ADAMTSL1: variants seen among roughly 807,000 people sequenced by gnomAD.
ADAMTSL1 encodes the protein ADAMTS-like protein 1.
A neutral mutation model predicts 201.8 loss-of-function variants in ADAMTSL1; 126 were observed. The observed-to-expected ratio is 0.62, with a 90% CI of 0.54 to 0.72. The LOEUF (loss-of-function observed/expected upper bound fraction) is 0.72, where lower values mean the gene tolerates loss of function less well. ADAMTSL1 is among the 30% of genes least tolerant of loss of function. ADAMTSL1 has a pLI of 0.00. For missense variants in ADAMTSL1, 2,679 were observed against 2,277.8 expected, an observed-to-expected ratio of 1.18 and a Z score of -3.59; for synonymous variants, 1,121 against 903.4, an observed-to-expected ratio of 1.24 and a Z score of -4.32.
At chr9:18,800,687 C>G (rs1023234925) in intron 20 of ADAMTSL1, among the ~76,000 whole-genome samples, 3 of 152,132 alleles carry the variant, frequency 2.0e-5, no homozygotes, top group African/African-American at 7.2e-5. Flanking sequence ...GTTGGCACAT[C>G]TCAGTCTCAA....
intron 2 of ADAMTSL1, among the ~76,000 whole-genome samples, chr9:18,277,131 T>G (rs1832616426): frequency 6.6e-6 from 1 of 152,234 alleles, no homozygotes; most frequent in Non-Finnish European, 1.5e-5. Flanking sequence ...TTTCATCTTC[T>G]TACATTTGAG....
chr9:18,307,845 C>G (rs567914481), intron 2 of ADAMTSL1, among the ~76,000 whole-genome samples: 1 of 152,260 alleles, frequency 6.6e-6, no homozygotes, highest in East Asian at 1.9e-4. Flanking sequence ...CCAAGTGGAC[C>G]TAATAGACAT....
At chr9:18,409,201 T>C (rs1411938584) in intron 2 of ADAMTSL1, among the ~76,000 whole-genome samples, 1 of 151,506 alleles carries the variant, frequency 6.6e-6, no homozygotes, top group African/African-American at 2.4e-5. Context: ...CTGACCAACA[T>C]GGTGAAAACT....
chr9:18,562,051 T>G (rs945581720), intron 3 of ADAMTSL1, among the ~76,000 whole-genome samples: 1 of 152,238 alleles, frequency 6.6e-6, no homozygotes, highest in African/African-American at 2.4e-5. Context: ...TGTGTGAATC[T>G]GATCCTGTCA....
At chr9:18,344,810 A>G (rs929223261) in intron 2 of ADAMTSL1, among the ~76,000 whole-genome samples, 11 of 152,156 alleles carry the variant, frequency 7.2e-5, no homozygotes, top group African/African-American at 2.7e-4. Flanking sequence ...AACACACCAC[A>G]TGCTTGAAAA....
chr9:18,584,124 G>T (rs1010175222), intron 4 of ADAMTSL1, among the ~76,000 whole-genome samples: 3 of 152,102 alleles, frequency 2.0e-5, no homozygotes, highest in Non-Finnish European at 2.9e-5. Context: ...GATGTGTTTT[G>T]GCTGTGTCCC....
intron 2 of ADAMTSL1, among the ~76,000 whole-genome samples, chr9:18,204,852 G>C (rs1829588044): frequency 6.6e-6 from 1 of 152,090 alleles, no homozygotes; most frequent in Admixed American, 6.6e-5. Flanking sequence ...AGACCTGTTT[G>C]TTTGTTCTAG....
At chr9:18,038,521 C>T (rs982741438) in intron 1 of ADAMTSL1, among the ~76,000 whole-genome samples, 14 of 152,124 alleles carry the variant, frequency 9.2e-5, no homozygotes, top group African/African-American at 7.2e-5. Flanking sequence ...AAGCTGATGG[C>T]AATTCGATAT....
chr9:18,541,118 G>C (rs1320595165), intron 3 of ADAMTSL1, among the ~76,000 whole-genome samples: 1 of 152,136 alleles, frequency 6.6e-6, no homozygotes, highest in Non-Finnish European at 1.5e-5. Flanking sequence ...CTTGATGAAG[G>C]CTTGATTTGT....
chr9:17,966,573 A>G (rs916639082), intron 1 of ADAMTSL1, among the ~76,000 whole-genome samples: 12 of 152,158 alleles, frequency 7.9e-5, no homozygotes, highest in Admixed American at 3.9e-4. Flanking sequence ...CAGAATGTGC[A>G]TCCAGTGATA....
rs192624901 is a variant in ADAMTSL1 at position 18,274,294 on chromosome 9, G to T, written c.207+110313G>T. On this transcript the variant is annotated intron_variant, in intron 2 of 29. Coordinates refer to the ADAMTSL1 transcript ENST00000680146. ...TCTTTCTTCTTGCATATTAAGCTTT[G>T]ATTAACATATGGTAATAATGTAGCG... Among the ~76,000 whole-genome samples, 42 of 152,234 alleles carry T rather than the reference G, an allele frequency of 2.8e-4. 1 individual carries two copies. The highest frequency in any genetic ancestry group is 3.4e-3 in the Middle Eastern group (1 of 294).
At chr9:18,818,517 C>T (rs1563827515) in intron 21 of ADAMTSL1, among the ~76,000 whole-genome samples, 1 of 152,300 alleles carries the variant, frequency 6.6e-6, no homozygotes, top group Non-Finnish European at 1.5e-5. Flanking sequence ...TATGGCCAGA[C>T]CTGGTGGCTC....
At chr9:18,104,803 C>G (rs1337653273) in intron 1 of ADAMTSL1, among the ~76,000 whole-genome samples, 1 of 152,106 alleles carries the variant, frequency 6.6e-6, no homozygotes, top group African/African-American at 2.4e-5. Context: ...TTCAATCATT[C>G]AATTATTCAA....
chr9:18,025,039 T>A (rs1820635035), intron 1 of ADAMTSL1, among the ~76,000 whole-genome samples: 1 of 152,142 alleles, frequency 6.6e-6, no homozygotes, highest in Non-Finnish European at 1.5e-5. Context: ...CATTTTTTCA[T>A]ATTTTTTTGG....
At chr9:18,355,068 C>A (rs1415831867) in intron 2 of ADAMTSL1, among the ~76,000 whole-genome samples, 1 of 152,126 alleles carries the variant, frequency 6.6e-6, no homozygotes, top group Non-Finnish European at 1.5e-5. Context: ...TTCCAGGGAG[C>A]CCCAGCAAGA....
chr9:18,322,876 G>C (rs1478854683), intron 2 of ADAMTSL1, among the ~76,000 whole-genome samples: 1 of 151,982 alleles, frequency 6.6e-6, no homozygotes, highest in African/African-American at 2.4e-5. Context: ...AAAATAAATA[G>C]AAAATATCAA....
At chr9:18,530,702 A>C (rs976165391) in intron 2 of ADAMTSL1, among the ~76,000 whole-genome samples, 1 of 152,178 alleles carries the variant, frequency 6.6e-6, no homozygotes, top group Non-Finnish European at 1.5e-5. Flanking sequence ...TAACATCTAC[A>C]TAATGCTTAC....
intron 2 of ADAMTSL1, among the ~76,000 whole-genome samples, chr9:18,175,612 G>A (rs969010315): frequency 6.6e-6 from 1 of 152,066 alleles, no homozygotes; most frequent in Non-Finnish European, 1.5e-5. Flanking sequence ...CATATTATCA[G>A]TTCAGTGCCT....
At chr9:17,949,984 T>C (rs898985911) in intron 1 of ADAMTSL1, among the ~76,000 whole-genome samples, 2 of 152,138 alleles carry the variant, frequency 1.3e-5, no homozygotes, top group African/African-American at 2.4e-5. Flanking sequence ...AATGGCCTGA[T>C]CTTGGCTCAC....
Sources: allele counts gnomAD v4.1 joint callset (sites outside exome capture counted in the v4.1 genomes callset), GRCh38; gene constraint gnomAD v4.1.1; transcripts MANE v1.5; gene names NCBI Gene and HGNC (gene_info 2026-07-23, HGNC 2026-07-21).